ZC3H15: variants seen among roughly 807,000 people sequenced by gnomAD.
ZC3H15 encodes zinc finger CCCH domain-containing protein 15.
Under a neutral mutation model 51.2 loss-of-function variants are expected in ZC3H15, and 15 were observed. The ratio of observed to expected loss-of-function variants is 0.29; its 90% CI spans 0.20 to 0.45. The LOEUF (loss-of-function observed/expected upper bound fraction) is 0.45. ZC3H15 is among the 20% of genes least tolerant of loss of function. ZC3H15 has a pLI of 1.00. For missense variants in ZC3H15, 381 were observed against 494.7 expected (o/e 0.77, Z 2.18); for synonymous variants, 144 against 162.8 (o/e 0.88, Z 0.88).
chr2:186,503,182 G>C (rs1685414320), intron 5 of ZC3H15, among the ~76,000 whole-genome samples: 1 of 152,104 alleles, frequency 6.6e-6, no homozygotes, highest in South Asian at 2.1e-4. Context: ...TGTTATGTTT[G>C]TTTTTGGGGG....
Position 186,509,183 on chromosome 2 carries a change from A to G in ZC3H15, c.*450A>G. On this transcript the variant is annotated 3_prime_UTR_variant, in exon 10 of 10. Transcript: ENST00000337859. ...CATGAGCACTGTACTTCATAAAGGAAACTGCGTATGCAGATTCAGTATTGT... is the reference window on the plus strand; with the variant it reads ...CATGAGCACTGTACTTCATAAAGGAGACTGCGTATGCAGATTCAGTATTGT... 5.9e-6 allele frequency: 2 copies of G among 340,272 alleles called. No homozygotes were observed. Among genetic ancestry groups the G allele is most frequent in the South Asian group, 5.0e-5 (2 of 40,112 alleles). 21.1% of individuals were successfully genotyped at this position (340,272 alleles called of 1,614,324 possible). A position where few individuals can be genotyped will look rare whatever the true frequency, so the allele number is the denominator to read the frequency against.
chr2:186,490,504 C>G (rs528552271), intron 1 of ZC3H15, among the ~76,000 whole-genome samples: 1 of 152,288 alleles, frequency 6.6e-6, no homozygotes, highest in Admixed American at 6.5e-5. Flanking sequence ...TTACTTGAAG[C>G]TGGATTAACC....
At position 186,508,846 on chromosome 2, in the gene ZC3H15, G is replaced by A; in HGVS notation, c.*113G>A. ...ATGTTTATTTCCTATGCTGATTCTGGAGGAGTTAACCTCCTGCAAAAAAGG... is the reference window on the plus strand; with the variant it reads ...ATGTTTATTTCCTATGCTGATTCTGAAGGAGTTAACCTCCTGCAAAAAAGG... On this transcript the variant is annotated 3_prime_UTR_variant, in exon 10 of 10. Coordinates refer to ENST00000337859, the MANE Select transcript of ZC3H15 (RefSeq NM_018471.3). 3 of 1,243,176 alleles carry A rather than the reference G, an allele frequency of 2.4e-6. No individual in the cohort carries two copies. Among genetic ancestry groups the A allele is most frequent in the Non-Finnish European group, 3.3e-6 (3 of 897,648 alleles). The allele number at this position is 1,243,176 out of a possible 1,614,324, so 77.0% of individuals were successfully genotyped here.
intron 8 of ZC3H15, among the ~76,000 whole-genome samples, chr2:186,506,333 CTGGG>C (rs1685466924): frequency 6.6e-6 from 1 of 151,908 alleles, no homozygotes; most frequent in Non-Finnish European, 1.5e-5. Flanking sequence ...ATTCTGGCCT[CTGGG>C]TTGAAAGAAA....
chr2:186,491,913 G>A (rs952520904), intron 1 of ZC3H15, among the ~76,000 whole-genome samples: 4 of 151,828 alleles, frequency 2.6e-5, no homozygotes, highest in African/African-American at 9.7e-5. Flanking sequence ...CTTTAAACTG[G>A]TTATTTATGT....
chr2:186,489,968 G>A (rs1165542434), intron 1 of ZC3H15, among the ~76,000 whole-genome samples: 1 of 152,142 alleles, frequency 6.6e-6, no homozygotes, highest in African/African-American at 2.4e-5. Context: ...TTCAGTAAAT[G>A]GCAGCTATTG....
intron 6 of ZC3H15, 152 bp downstream of exon 6, chr2:186,504,366 A>G (rs1042121692): frequency 1.2e-5 from 7 of 586,388 alleles, no homozygotes; most frequent in Admixed American, 4.0e-5. Flanking sequence ...TTATTCTTGT[A>G]TGTGTAAAAT....
Position 186,505,464 on chromosome 2 carries a change from G to T in ZC3H15, c.731G>T (p.Gly244Val). 1 of 1,568,080 alleles carries T rather than the reference G, an allele frequency of 6.4e-7. No individual in the cohort carries two copies. The highest frequency in any genetic ancestry group is 8.6e-7 in the Non-Finnish European group (1 of 1,163,176). Residue 244 changes from glycine (G) to valine (V), a missense_variant, in exon 7 of 10, where the codon GGT (glycine) becomes GTT (valine). Physicochemically the swap from Gly to Val is moderately radical, Grantham distance 109. Coordinates refer to ENST00000337859, the MANE Select transcript of ZC3H15 (RefSeq NM_018471.3). ...TTACCATTGCAGCGTTCTGCCCTAG[G>T]TCCAAATGTTACCAAAATCACTCTA... ...DLIERERSAL[G>V]PNVTKITLES...
rs1290573533 is a variant in ZC3H15 at position 186,492,486 on chromosome 2, T to C, written c.76-2747T>C. ...TCATGTAGAATTTTGTATAATACCA[T>C]GTTGGGATGTTAAATCATGAAACAA... On this transcript the variant is annotated intron_variant, in intron 1 of 9. Coordinates refer to ENST00000337859, the MANE Select transcript of ZC3H15 (RefSeq NM_018471.3). Among the ~76,000 whole-genome samples the C allele has an allele frequency of 2.6e-5, 4 of 152,222 alleles. No individual in the cohort carries two copies. In the East Asian group the frequency reaches 5.8e-4, roughly 22 times the overall value.
At chr2:186,505,428 A>G (rs1291519833) in intron 6 of ZC3H15, 23 bp from the exon 7 acceptor site, 1 of 1,514,420 alleles carries the variant, frequency 6.6e-7, no homozygotes, top group African/African-American at 1.4e-5. Context: ...TGTGGAAAAA[A>G]AATTAATTCT....
chr2:186,496,789 A>C (rs1685289244), intron 2 of ZC3H15, among the ~76,000 whole-genome samples: 1 of 152,216 alleles, frequency 6.6e-6, no homozygotes, highest in African/African-American at 2.4e-5. Flanking sequence ...AGGCAGTTGT[A>C]ACACATTAGT....
At chr2:186,505,866 C>G in intron 8 of ZC3H15, 25 bp downstream of exon 8, 1 of 1,605,966 alleles carries the variant, frequency 6.2e-7, no homozygotes, top group Non-Finnish European at 8.5e-7. Context: ...TGTGCCTCAT[C>G]TCCTTATGTT....
intron 2 of ZC3H15, chr2:186,497,191 T>C (rs1685296521): frequency 2.4e-6 from 1 of 413,062 alleles, no homozygotes. Context: ...ATTTTTGTAA[T>C]GTAGGAGAGA....
chr2:186,497,105 C>T, intron 2 of ZC3H15: 1 of 432,418 alleles, frequency 2.3e-6, no homozygotes, highest in Non-Finnish European at 4.6e-6. Context: ...GTAAAGATTT[C>T]ATAGACATGG....
Position 186,501,818 on chromosome 2 carries a change from TCTC to T in ZC3H15, c.442+396_442+398del, listed in dbSNP as rs532019444. Among the ~76,000 whole-genome samples the T allele has an allele frequency of 1.2e-3, 182 of 152,006 alleles. 2 individuals carry two copies. The highest frequency in any genetic ancestry group is 3.4e-3 in the Middle Eastern group (1 of 292). ...TCTCCATCTCCCAGGTTCAAGCAAT[TCTC>T]CTGCCTCAGCCTCCCAAGTAGCTGG... On this transcript the variant is annotated intron_variant, in intron 4 of 9. Transcript: ENST00000337859.
chr2:186,499,627 G>T (rs766055464), intron 2 of ZC3H15: 1 of 452,264 alleles, frequency 2.2e-6, no homozygotes, highest in Admixed American at 2.4e-5. Context: ...AGGACCTGAC[G>T]TATAAATGTT....
intron 1 of ZC3H15, among the ~76,000 whole-genome samples, chr2:186,492,013 G>T (rs567197638): frequency 6.6e-5 from 10 of 152,016 alleles, no homozygotes; most frequent in African/African-American, 2.4e-4. Flanking sequence ...CATTGTGAGT[G>T]CTTTCTTTTC....
rs750152603 is a variant in ZC3H15, at chr2:186,505,732, C to T, written c.865-8C>T. 4 of 1,613,174 alleles carry T rather than the reference C, an allele frequency of 2.5e-6. No individual in the cohort carries two copies. The highest frequency in any genetic ancestry group is 3.4e-6 in the Non-Finnish European group (4 of 1,179,408). On this transcript the variant is annotated splice_polypyrimidine_tract_variant and splice_region_variant and intron_variant, in intron 7 of 9. Transcript: ENST00000337859. ...GTCCTGAGTTGATATATTTGTGTGT[C>T]TCAATAGATCAGTGGTCGTGAAGTG... is the stretch of plus-strand genomic sequence containing the variant.
At chr2:186,503,389 T>C (rs1474249762) in intron 5 of ZC3H15, among the ~76,000 whole-genome samples, 1 of 152,180 alleles carries the variant, frequency 6.6e-6, no homozygotes, top group Non-Finnish European at 1.5e-5. Context: ...ATTTATTTTA[T>C]TTTTGAGGCG....
Sources: gnomAD v4.1 joint callset for allele counts (sites outside exome capture counted in the v4.1 genomes callset) on GRCh38, gnomAD v4.1.1 for gene constraint, MANE v1.5 for transcripts, NCBI Gene and HGNC (gene_info 2026-07-23, HGNC 2026-07-21) for gene names.